The following ADCY4 variants were observed in gnomAD, a reference collection of about 807,000 sequenced individuals.
The protein encoded by ADCY4 is adenylate cyclase type 4.
A neutral mutation model predicts 125.5 loss-of-function variants in ADCY4; 111 were observed. The observed-to-expected ratio is 0.88, with a 90% confidence interval of 0.76 to 1.04. ADCY4 has a LOEUF of 1.04. Among genes scored for constraint, ADCY4 ranks in the 50% least tolerant of loss-of-function variants. The probability of loss-of-function intolerance (pLI) is 0.00; values close to 1 mark genes in which losing one functional copy is unlikely to be tolerated. For synonymous variants in ADCY4, 576 were observed against 586.9 expected, an observed-to-expected ratio of 0.98 and a Z score of 0.27; for missense variants, 1,256 against 1,382.9, an observed-to-expected ratio of 0.91 and a Z score of 1.46.
At chr14:24,323,524 C>T (rs1213641674) in intron 16 of ADCY4, 70 bp from the exon 17 acceptor site, 1 of 1,536,666 alleles carries the variant, frequency 6.5e-7, no homozygotes, top group Non-Finnish European at 8.8e-7. Context: ...TGCTGGGTTT[C>T]AGCTGACCCA....
intron 6 of ADCY4, 152 bp downstream of exon 6, chr14:24,330,866 T>G: frequency 1.5e-6 from 1 of 661,106 alleles, no homozygotes; most frequent in South Asian, 2.0e-5. Flanking sequence ...TGGGAATGTT[T>G]GAGAGGGTTT....
intron 3 of ADCY4, chr14:24,332,297 G>C: frequency 2.0e-6 from 1 of 511,834 alleles, no homozygotes; most frequent in Non-Finnish European, 3.4e-6. Context: ...GTTGTCCCCG[G>C]GGTAAACCAC....
chr14:24,322,549 G>A (rs980833683), intron 19 of ADCY4, 75 bp downstream of exon 19: 227 of 1,495,266 alleles, frequency 1.5e-4, no homozygotes, highest in Non-Finnish European at 1.9e-4. Flanking sequence ...CAACCCTGGA[G>A]ATTAGAAAGA....
Position 24,322,046 on chromosome 14 carries a change from G to A in ADCY4, c.2586+20C>T, listed in dbSNP as rs1225636504. The A allele has an allele frequency of 3.7e-6, 6 of 1,600,104 alleles. No homozygotes were observed. The Admixed American group carries it at 1.0e-4, about 27-fold the overall frequency. On this transcript the variant is annotated intron_variant, in intron 20 of 24. Coordinates refer to ENST00000418030, the MANE Select transcript of ADCY4 (RefSeq NM_001198568.2). Reference sequence around the variant, plus strand: ...GCCCTATGGCATCCGTGGCTCAGGAGTCAGGGGGTCAGGAGTCACCTCGTT... The same window carrying A: ...GCCCTATGGCATCCGTGGCTCAGGAATCAGGGGGTCAGGAGTCACCTCGTT...
intron 6 of ADCY4, 85 bp from the exon 7 acceptor site, chr14:24,330,380 G>C: frequency 1.9e-6 from 3 of 1,585,290 alleles, no homozygotes; most frequent in Non-Finnish European, 1.7e-6. Flanking sequence ...GGCAGCGAGC[G>C]GGGTATTCCT....
Position 24,334,765 on chromosome 14 carries a change from C to A in ADCY4, c.-113G>T. 1 of 866,826 alleles carries A rather than the reference C, an allele frequency of 1.2e-6. No individual in the cohort carries two copies. Among genetic ancestry groups the A allele is most frequent in the Non-Finnish European group, 1.7e-6 (1 of 590,304 alleles). 53.7% of individuals were successfully genotyped at this position (866,826 alleles called of 1,614,324 possible). ...TCACCCGCTCAAAGCCGCTACCACC[C>A]CGCGCCCCCAACCTCGTGGCAATCC... On this transcript the variant is annotated 5_prime_UTR_variant, in exon 1 of 25. Coordinates refer to ENST00000418030, the MANE Select transcript of ADCY4 (RefSeq NM_001198568.2).
rs1439388874 is a variant in ADCY4, at chr14:24,324,138, G to A, written c.1970C>T (p.Ala657Val). The change falls in exon 16 of 25, where the codon GCC (alanine) becomes GTC (valine). Residue 657 changes from alanine to valine, a missense_variant. By Grantham distance (64) the Ala-to-Val change is moderately conservative. Coordinates refer to ENST00000418030, the MANE Select transcript of ADCY4 (RefSeq NM_001198568.2). ...HWLPALSGLV[A>V]TRPGLRIALG... ...GGCTATTCTCAGTCCTGGTCGTGTG[G>A]CCACCAGGCCAGACAGTGCAGGCAG... The A allele has an allele frequency of 6.2e-7, 1 of 1,614,250 alleles. No homozygotes were observed. The highest frequency in any genetic ancestry group is 8.5e-7 in the Non-Finnish European group (1 of 1,180,030).
chr14:24,319,860 A>G lies in ADCY4; in HGVS notation c.2615T>C (p.Val872Ala). ...EDLYHQSYEC[V>A]CVLFASVPDF... The stretch of plus-strand genomic sequence containing the variant: ...TGGGACTGAGGCGAAGAGGACACAA[A>G]CGCATTCATAGGACTGGTGGTAGAG... The change falls in exon 21 of 25, where the codon GTT (valine) becomes GCT (alanine). Residue 872 changes from valine (V) to alanine (A), a missense_variant. Transcript: ENST00000418030. The surrounding 1 kb of genome is among the most constrained non-coding windows in gnomAD (Gnocchi z 4.5). 1 of 1,613,904 alleles carries G rather than the reference A, an allele frequency of 6.2e-7. No homozygotes were observed. The highest frequency in any genetic ancestry group is 8.5e-7 in the Non-Finnish European group (1 of 1,180,000).
In ADCY4 at chr14:24,323,103, A is replaced by G; in HGVS notation, c.2158-15T>C. 1 of 1,612,792 alleles carries G rather than the reference A, an allele frequency of 6.2e-7. No individual in the cohort carries two copies. Among genetic ancestry groups the G allele is most frequent in the Non-Finnish European group, 8.5e-7 (1 of 1,179,156 alleles). On this transcript the variant is annotated splice_polypyrimidine_tract_variant and intron_variant, in intron 17 of 24. Transcript: ENST00000418030. Reference sequence around the variant, plus strand: ...TGCATGGAGTACTGTGGGGCCAGGCAGGGGTCAGGAGTGGGCATGTCCCAT... The same window carrying G: ...TGCATGGAGTACTGTGGGGCCAGGCGGGGGTCAGGAGTGGGCATGTCCCAT...
chr14:24,321,770 C>T (rs1441611553), intron 20 of ADCY4: 2 of 1,105,290 alleles, frequency 1.8e-6, no homozygotes, highest in African/African-American at 1.6e-5. Flanking sequence ...CAGTCTGCGG[C>T]CTGGGGGCTG....
At chr14:24,328,884 G>T in intron 10 of ADCY4, 177 bp downstream of exon 10, 1 of 745,304 alleles carries the variant, frequency 1.3e-6, no homozygotes, top group East Asian at 2.6e-5. Context: ...CTAGAAGGAG[G>T]GGCAAGGAAG....
At position 24,326,062 on chromosome 14, in the gene ADCY4, C is replaced by A. The variant is rs200824050; in HGVS notation, c.1655+17G>T. On this transcript the variant is annotated intron_variant, in intron 12 of 24. Transcript: ENST00000418030. Reference sequence around the variant, plus strand: ...CTCAGGGCCTGCGGCCCCCCCAGCCCTCTTTGTTCTCCGTACTTCTGCGAG... The same window carrying A: ...CTCAGGGCCTGCGGCCCCCCCAGCCATCTTTGTTCTCCGTACTTCTGCGAG... 2.7e-5 allele frequency: 42 copies of A among 1,569,842 alleles called. No individual in the cohort carries two copies. The East Asian group carries it at 7.9e-4, about 29-fold the overall frequency.
In ADCY4 at chr14:24,322,641, G is replaced by A; in HGVS notation, c.2410C>T (p.Leu804Phe). 6.2e-7 allele frequency: 1 copy of A among 1,614,190 alleles called. No homozygotes were observed. The highest frequency in any genetic ancestry group is 1.3e-5 in the African/African-American group (1 of 75,046). The stretch of plus-strand genomic sequence containing the variant: ...TGACTTACCTGGCGAGCCAGGACAA[G>A]GAGGGTGAAGAAGAAGATGAAGAAG... ...ISFFIFFFTL[L>F]VLARQNEYYC... Residue 804 changes from leucine to phenylalanine, a missense_variant, in exon 19 of 25, where the codon CTT (leucine) becomes TTT (phenylalanine). Transcript: ENST00000418030.
At chr14:24,324,806 C>T (rs1003434562) in intron 14 of ADCY4, among the ~76,000 whole-genome samples, 2 of 151,860 alleles carry the variant, frequency 1.3e-5, no homozygotes, top group Non-Finnish European at 2.9e-5. Context: ...CGGGTTTGAG[C>T]GATTCTCCTG....
At chr14:24,332,494 G>T in intron 3 of ADCY4, 28 bp downstream of exon 3, 1 of 1,551,438 alleles carries the variant, frequency 6.4e-7, no homozygotes, top group Non-Finnish European at 8.7e-7. Context: ...GCCGTCCTGA[G>T]CGCAGCCTGT....
rs1395220142 is a variant in ADCY4, at chr14:24,319,381, G to T, written c.2789C>A (p.Thr930Asn). 3 of 1,614,062 alleles carry T rather than the reference G, an allele frequency of 1.9e-6. No individual in the cohort carries two copies. Among genetic ancestry groups the T allele is most frequent in the East Asian group, 4.5e-5 (2 of 44,898 alleles). Residue 930 changes from threonine (T) to asparagine (N), a missense_variant, in exon 22 of 25, where the codon ACC (threonine) becomes AAC (asparagine). By Grantham distance (65) the Thr-to-Asn change is moderately conservative (BLOSUM62 0). Coordinates refer to ENST00000418030, the MANE Select transcript of ADCY4 (RefSeq NM_001198568.2). The surrounding 1 kb of genome is among the most constrained non-coding windows in gnomAD (Gnocchi z 4.5). ...ATTTAAGCCTGTGGCTGCCATGTAG[G>T]TGCTGCCGATGGTCTTGATCTTCTC... ...GVEKIKTIGSTYMAATGLNAT... is the reference protein window; with the variant it reads ...GVEKIKTIGSNYMAATGLNAT...
In ADCY4 at chr14:24,319,921, G is replaced by T; in HGVS notation, c.2587-33C>A. 2 of 1,609,476 alleles carry T rather than the reference G, an allele frequency of 1.2e-6. No homozygotes were observed. The highest frequency in any genetic ancestry group is 1.7e-6 in the Non-Finnish European group (2 of 1,179,154). On this transcript the variant is annotated intron_variant, in intron 20 of 24. Coordinates refer to ENST00000418030, the MANE Select transcript of ADCY4 (RefSeq NM_001198568.2). This position sits in a 1 kb window ranked among gnomAD's most constrained non-coding sequence, Gnocchi z 4.5. The stretch of plus-strand genomic sequence containing the variant: ...AACAGGAGACTGGAGTGAGGGGTGT[G>T]TGTCATGTTCCTCTCCCTTCTAGAG...
At chr14:24,324,586 T>C (rs2139203352) in intron 14 of ADCY4, among the ~76,000 whole-genome samples, 195 bp from the exon 15 acceptor site, 1 of 152,178 alleles carries the variant, frequency 6.6e-6, no homozygotes, top group Non-Finnish European at 1.5e-5. Context: ...TCTAGAGCAG[T>C]GTCGAGGTGG....
rs2042109047 is a variant in ADCY4 at position 24,334,851 on chromosome 14, G to A, written c.-199C>T. 3.5e-6 allele frequency: 2 copies of A among 572,712 alleles called. No individual in the cohort carries two copies. Among genetic ancestry groups the A allele is most frequent in the Non-Finnish European group, 6.2e-6 (2 of 324,858 alleles). 35.5% of individuals were successfully genotyped at this position (572,712 alleles called of 1,614,324 possible). A position where few individuals can be genotyped will look rare whatever the true frequency, so the allele number is the denominator to read the frequency against. ...GCCCGCTCCCAGCTGGCGATGAGGG[G>A]ATCCCTCAGTCCTTTCCTCCTCCTC... On this transcript the variant is annotated 5_prime_UTR_variant, in exon 1 of 25. Transcript: ENST00000418030.
Sources: allele counts gnomAD v4.1 joint callset (sites outside exome capture counted in the v4.1 genomes callset), GRCh38; gene constraint gnomAD v4.1.1; non-coding constraint Gnocchi (gnomAD v3.1); transcripts MANE v1.5; gene names NCBI Gene and HGNC (gene_info 2026-07-23, HGNC 2026-07-21).